The following DTNA variants were observed in gnomAD, a reference collection of about 807,000 sequenced individuals.
DTNA encodes dystrobrevin alpha.
In DTNA, 43 loss-of-function variants were observed where a neutral mutation model predicts 100.7. That is an observed-to-expected ratio of 0.43 (90% CI 0.33 to 0.55). DTNA has a LOEUF of 0.55. Among genes scored for constraint, DTNA ranks in the 20% least tolerant of loss-of-function variants. The pLI is 0.04. For synonymous variants in DTNA, 349 were observed against 347.9 expected, an observed-to-expected ratio of 1.00 and a Z score of -0.04; for missense variants, 798 against 953.9, an observed-to-expected ratio of 0.84 and a Z score of 2.15.
chr18:34,796,948 AC>A (rs1287761638), intron 4 of DTNA, among the ~76,000 whole-genome samples: 2 of 152,300 alleles, frequency 1.3e-5, no homozygotes, highest in South Asian at 4.1e-4. Flanking sequence ...CACCAAAAAA[AC>A]ATCCGGATCT....
At chr18:34,581,471 G>T (rs1038645651) in intron 1 of DTNA, among the ~76,000 whole-genome samples, 182 of 151,950 alleles carry the variant, frequency 1.2e-3, no homozygotes, top group African/African-American at 4.3e-3. Flanking sequence ...TCTCTGATGT[G>T]TTTTTTTAAA....
At chr18:34,612,288 A>G (rs1176751728) in intron 1 of DTNA, among the ~76,000 whole-genome samples, 1 of 152,194 alleles carries the variant, frequency 6.6e-6, no homozygotes, top group Non-Finnish European at 1.5e-5. Flanking sequence ...CCTGAGGCCC[A>G]GACCTGCCAT....
chr18:34,632,568 A>C (rs1298932808), intron 1 of DTNA, among the ~76,000 whole-genome samples: 1 of 152,192 alleles, frequency 6.6e-6, no homozygotes, highest in Non-Finnish European at 1.5e-5. Flanking sequence ...GGGATTTCTC[A>C]GCTGTTTCAG....
intron 9 of DTNA, 122 bp downstream of exon 9, chr18:34,821,037 A>C: frequency 6.9e-7 from 1 of 1,447,418 alleles, no homozygotes; most frequent in Non-Finnish European, 9.5e-7. Flanking sequence ...GTTTAAAAAA[A>C]AAAGTCAGAG....
At chr18:34,604,409 T>A (rs563890114) in intron 1 of DTNA, among the ~76,000 whole-genome samples, 1 of 152,148 alleles carries the variant, frequency 6.6e-6, no homozygotes, top group Non-Finnish European at 1.5e-5. Context: ...AATTTTGGCT[T>A]ATATTTATTC....
intron 1 of DTNA, among the ~76,000 whole-genome samples, chr18:34,577,886 A>C (rs1444934336): frequency 6.7e-6 from 1 of 149,196 alleles, no homozygotes; most frequent in Non-Finnish European, 1.5e-5. Context: ...TTGGTTCCAC[A>C]TTTTTGCAAT....
rs1434437645 is a variant in DTNA at position 34,601,885 on chromosome 18, C to T, written c.-2+108371C>T. Among the ~76,000 whole-genome samples, 4 of 152,280 alleles carry T rather than the reference C, an allele frequency of 2.6e-5. No homozygotes were observed. The East Asian group carries it at 7.7e-4, about 29-fold the overall frequency. ...GTAAGGAGACTCCGTTGGGGCAATTCCTACAGAATGCAGAAAGTAAATGTG... is the reference window on the plus strand; with the variant it reads ...GTAAGGAGACTCCGTTGGGGCAATTTCTACAGAATGCAGAAAGTAAATGTG... On this transcript the variant is annotated intron_variant, in intron 1 of 19. Coordinates refer to the DTNA transcript ENST00000283365.
intron 1 of DTNA, among the ~76,000 whole-genome samples, chr18:34,509,142 C>A (rs1237375159): frequency 6.6e-6 from 1 of 152,028 alleles, no homozygotes; most frequent in Non-Finnish European, 1.5e-5. Flanking sequence ...CTTCATTATA[C>A]AATGTTTGCT....
chr18:34,832,916 T>G (rs1195109349), intron 11 of DTNA, among the ~76,000 whole-genome samples: 1 of 152,184 alleles, frequency 6.6e-6, no homozygotes, highest in African/African-American at 2.4e-5. Context: ...CTATAGATAG[T>G]TACTTAAGGA....
intron 1 of DTNA, among the ~76,000 whole-genome samples, chr18:34,524,144 A>G (rs2042391897): frequency 6.6e-6 from 1 of 152,202 alleles, no homozygotes; most frequent in African/African-American, 2.4e-5. Context: ...CTCTTCAAAA[A>G]CTATGAGTTG....
At position 34,875,379 on chromosome 18, in the gene DTNA, A is replaced by G; in HGVS notation, c.1884A>G (p.Val628=). ...CCCTCACAGGAGTAGGGGGAGATGT[A>G]CAAGAGGCATTTGCACAAAGTAAGT... ...QDSLTGVGGD[V]QEAFAQSSRR... The change falls in exon 18 of 23, where the codon GTA becomes GTG. Residue 628 remains valine, a synonymous_variant. Transcript: ENST00000444659. 1.2e-6 allele frequency: 2 copies of G among 1,614,184 alleles called. No individual in the cohort carries two copies. Among genetic ancestry groups the G allele is most frequent in the Non-Finnish European group, 1.7e-6 (2 of 1,180,042 alleles).
chr18:34,782,432 A>G (rs760738980), intron 3 of DTNA, among the ~76,000 whole-genome samples: 8 of 152,204 alleles, frequency 5.3e-5, no homozygotes, highest in Admixed American at 6.5e-5. Context: ...TAAAACATTC[A>G]GGAAAAAACT....
chr18:34,516,766 G>A (rs778238647), intron 1 of DTNA, among the ~76,000 whole-genome samples: 28 of 152,126 alleles, frequency 1.8e-4, no homozygotes, highest in African/African-American at 4.1e-4. Context: ...CCTGAAAATC[G>A]CAGCCATCCT....
Position 34,757,179 on chromosome 18 carries a change from G to A in DTNA, c.67+1136G>A, listed in dbSNP as rs543691480. 6 of 152,312 alleles carry A rather than the reference G, an allele frequency of 3.9e-5. No homozygotes were observed. The South Asian group carries it at 1.2e-3, about 32-fold the overall frequency. The allele number at this position is 152,312 out of a possible 1,614,324, so 9.4% of individuals were successfully genotyped here. A position where few individuals can be genotyped will look rare whatever the true frequency, so the allele number is the denominator to read the frequency against. On this transcript the variant is annotated intron_variant, in intron 2 of 22. Coordinates refer to ENST00000444659, the MANE Select transcript of DTNA (RefSeq NM_001386795.1). ...TTAGAGATGTGCTTAGAGTGTTTGG[G>A]AGAGTTTCAGCCAGGCCTTCCAATT...
intron 1 of DTNA, among the ~76,000 whole-genome samples, chr18:34,678,027 T>C (rs549803587): frequency 2.2e-4 from 34 of 152,214 alleles, no homozygotes; most frequent in African/African-American, 6.3e-4. Flanking sequence ...AGCAAACACA[T>C]CCTTCTTCAT....
intron 1 of DTNA, among the ~76,000 whole-genome samples, chr18:34,494,329 A>G (rs1380990137): frequency 8.4e-6 from 1 of 118,362 alleles, no homozygotes; most frequent in Non-Finnish European, 1.6e-5. Flanking sequence ...GCCCGGGCCG[A>G]TGCCTGGGTG....
intron 1 of DTNA, among the ~76,000 whole-genome samples, chr18:34,696,380 C>CA (rs1221073818): frequency 6.6e-6 from 1 of 152,014 alleles, no homozygotes; most frequent in African/African-American, 2.4e-5. Context: ...AGATCAAGAC[C>CA]ACCCTGGCCA....
At chr18:34,712,183 A>G (rs2083027476) in intron 1 of DTNA, among the ~76,000 whole-genome samples, 1 of 152,112 alleles carries the variant, frequency 6.6e-6, no homozygotes, top group African/African-American at 2.4e-5. Context: ...AGACAAAAAA[A>G]TGAAAAGATA....
intron 20 of DTNA, among the ~76,000 whole-genome samples, chr18:34,880,315 A>G (rs753502579): frequency 4.6e-5 from 7 of 152,220 alleles, no homozygotes; most frequent in African/African-American, 9.6e-5. Flanking sequence ...TAACGTCCCC[A>G]CTAGACTTTC....
Sources: gnomAD v4.1 joint callset for allele counts (sites outside exome capture counted in the v4.1 genomes callset) on GRCh38, gnomAD v4.1.1 for gene constraint, MANE v1.5 for transcripts, NCBI Gene and HGNC (gene_info 2026-07-23, HGNC 2026-07-21) for gene names.